Variants in ZNF426 observed in about 807,000 individuals in gnomAD.
ZNF426 encodes CTC-543D15.7.
In ZNF426, 23 loss-of-function variants were observed where a neutral mutation model predicts 24.0. The ratio of observed to expected loss-of-function variants is 0.96; its 90% CI spans 0.69 to 1.36. ZNF426 has a LOEUF of 1.36. Among genes scored for constraint, ZNF426 ranks in the 40% most tolerant of loss-of-function variants. The pLI is 0.00. For missense variants in ZNF426, 646 were observed against 658.4 expected (o/e 0.98, Z 0.21); for synonymous variants, 272 against 224.6 (o/e 1.21, Z -1.89).
intron 2 of ZNF426, among the ~76,000 whole-genome samples, chr19:9,537,445 TTAAC>T (rs913018014): frequency 2.4e-5 from 3 of 123,288 alleles, no homozygotes; most frequent in Non-Finnish European, 5.5e-5. Context: ...TATAGAATAT[TTAAC>T]TCTTTTTTTT....
At position 9,526,514 on chromosome 19, in the gene ZNF426, G is replaced by C. The variant is rs962808781; in HGVS notation, c.*1866C>G. ...CTTTGGTAGGCTTATTATTGGCCAA[G>C]AAACAGCCAACTAAAGAGCTTGAGA... On this transcript the variant is annotated 3_prime_UTR_variant, in exon 8 of 8. Transcript: ENST00000253115. 32 of 151,978 alleles carry C rather than the reference G, an allele frequency of 2.1e-4. No homozygotes were observed. The highest frequency in any genetic ancestry group is 7.5e-4 in the African/African-American group (31 of 41,364). 9.4% of individuals were successfully genotyped at this position (151,978 alleles called of 1,614,324 possible). A position where few individuals can be genotyped will look rare whatever the true frequency, so the allele number is the denominator to read the frequency against.
Position 9,528,779 on chromosome 19 carries a change from A to C in ZNF426, c.1266T>G (p.Cys422Trp). 1 of 1,614,202 alleles carries C rather than the reference A, an allele frequency of 6.2e-7. No homozygotes were observed. Among genetic ancestry groups the C allele is most frequent in the East Asian group, 2.2e-5 (1 of 44,874 alleles). The stretch of plus-strand genomic sequence containing the variant: ...ACCCAAATACTTTCCCACATATCTT[A>C]CACTCACAGGCCTTCTCTTCAGTGT... The part of the protein sequence containing the change: ...RTHTEEKACE[C>W]KICGKVFGYP... The change falls in exon 8 of 8, where the codon TGT becomes TGG. Residue 422 changes from cysteine (C) to tryptophan (W), a missense_variant. By Grantham distance (215) the Cys-to-Trp change is radical. Coordinates refer to ENST00000253115, the MANE Select transcript of ZNF426 (RefSeq NM_024106.3).
In ZNF426 at chr19:9,523,652, C is replaced by G. The variant is rs1292772157; in HGVS notation, c.*4728G>C. ...TCGTGGAAGACATTTTTCCCACGGA[C>G]TGGAGTTGGGGATTAAACTGTTCCA... is the stretch of plus-strand genomic sequence containing the variant. On this transcript the variant is annotated 3_prime_UTR_variant, in exon 8 of 8. Transcript: ENST00000253115. 5 of 152,222 alleles carry G rather than the reference C, an allele frequency of 3.3e-5. No homozygotes were observed. The highest frequency in any genetic ancestry group is 1.3e-4 in the Admixed American group (2 of 15,280). The allele number at this position is 152,222 out of a possible 1,614,324, so 9.4% of individuals were successfully genotyped here.
At position 9,528,646 on chromosome 19, in the gene ZNF426, TGTGAATTTTAAG is replaced by T. The variant is rs771724329; in HGVS notation, c.1387_1398del (p.Leu463_His466del). ...GGTTTTTCTCCAGTGTGGATTCGCA[TGTGAATTTTAAG>T]GTGGGTGGAATAGTTAAAAGCCTTC... On this transcript the variant is annotated inframe_deletion, in exon 8 of 8. Coordinates refer to ENST00000253115, the MANE Select transcript of ZNF426 (RefSeq NM_024106.3). 1.2e-5 allele frequency: 20 copies of T among 1,613,894 alleles called. No homozygotes were observed. The highest frequency in any genetic ancestry group is 1.6e-5 in the Non-Finnish European group (19 of 1,180,018).
chr19:9,532,813 A>G (rs747302379), intron 6 of ZNF426, 32 bp downstream of exon 6: 60 of 1,548,400 alleles, frequency 3.9e-5, no homozygotes, highest in Non-Finnish European at 1.4e-5. Flanking sequence ...TGAACTTCTC[A>G]TCAACCAGAG....
At chr19:9,530,107 C>A (rs1264023380) in intron 7 of ZNF426, among the ~76,000 whole-genome samples, 1 of 151,822 alleles carries the variant, frequency 6.6e-6, no homozygotes, top group African/African-American at 2.4e-5. Flanking sequence ...GGCAACAAAG[C>A]GAGACTCCGT....
In ZNF426 at chr19:9,529,427, G is replaced by A; in HGVS notation, c.618C>T (p.Phe206=). 1 of 1,613,732 alleles carries A rather than the reference G, an allele frequency of 6.2e-7. No individual in the cohort carries two copies. ...GGTATACAATATTTGGTGTCAGGCTGAAGATTTTTTCACTCTGATTAAACT... is the reference window on the plus strand; with the variant it reads ...GGTATACAATATTTGGTGTCAGGCTAAAGATTTTTTCACTCTGATTAAACT... ...LSEFNQSEKI[F]SLTPNIVYQR... The change falls in exon 8 of 8, where the codon TTC becomes TTT. Residue 206 remains phenylalanine (F), a synonymous_variant. Transcript: ENST00000253115.
At chr19:9,532,804 G>A (rs780442345) in intron 6 of ZNF426, 41 bp downstream of exon 6, 25 of 1,477,318 alleles carry the variant, frequency 1.7e-5, no homozygotes, top group Non-Finnish European at 2.4e-5. Context: ...CAAACATACT[G>A]AACTTCTCAT....
intron 4 of ZNF426, among the ~76,000 whole-genome samples, chr19:9,534,634 G>A (rs2073937550): frequency 6.6e-6 from 1 of 151,526 alleles, no homozygotes; most frequent in Non-Finnish European, 1.5e-5. Context: ...TTGCTGTGTT[G>A]CCCAGGCTAG....
chr19:9,525,332 G>A lies in ZNF426; in HGVS notation c.*3048C>T, dbSNP rs2073781683. Reference sequence around the variant, plus strand: ...AATCCTTTTCAACATTTCTTATGCTGAAAGGGCATCTCTCCAGAGTAAATT... The same window carrying A: ...AATCCTTTTCAACATTTCTTATGCTAAAAGGGCATCTCTCCAGAGTAAATT... On this transcript the variant is annotated 3_prime_UTR_variant, in exon 8 of 8. Coordinates refer to ENST00000253115, the MANE Select transcript of ZNF426 (RefSeq NM_024106.3). 1 of 152,174 alleles carries A rather than the reference G, an allele frequency of 6.6e-6. No individual in the cohort carries two copies. Among genetic ancestry groups the A allele is most frequent in the African/African-American group, 2.4e-5 (1 of 41,430 alleles). The allele number at this position is 152,174 out of a possible 1,614,324, so 9.4% of individuals were successfully genotyped here.
In ZNF426 at chr19:9,535,294, A is replaced by G. The variant is rs781094068; in HGVS notation, c.26-15T>C. 6.9e-6 allele frequency: 11 copies of G among 1,603,876 alleles called. No individual in the cohort carries two copies. The highest frequency in any genetic ancestry group is 8.5e-6 in the Non-Finnish European group (10 of 1,171,594). On this transcript the variant is annotated splice_polypyrimidine_tract_variant and intron_variant, in intron 3 of 7. Transcript: ENST00000253115. ...AAGATAATGTCCTGTAAGAAAATGA[A>G]GGCAAGAGAACCCCGAGCTGACCAT...
rs2073829467 is a variant in ZNF426, at chr19:9,528,669, T to C, written c.1376A>G (p.Tyr459Cys). Residue 459 changes from tyrosine (Y) to cysteine (C), a missense_variant, in exon 8 of 8, where the codon TAT (tyrosine) becomes TGT (cysteine). By Grantham distance (194) the Tyr-to-Cys change is radical. Transcript: ENST00000253115. ...CATGTGAATTTTAAGGTGGGTGGAA[T>C]AGTTAAAAGCCTTCCCACATTCCTT... ...TCKECGKAFN[Y>C]STHLKIHMRI... is the part of the protein sequence containing the mutation. The C allele has an allele frequency of 4.3e-6, 7 of 1,614,056 alleles. No individual in the cohort carries two copies. Among genetic ancestry groups the C allele is most frequent in the South Asian group, 1.1e-5 (1 of 91,088 alleles).
intron 6 of ZNF426, among the ~76,000 whole-genome samples, chr19:9,532,612 T>C (rs1304957608): frequency 6.6e-6 from 1 of 152,102 alleles, no homozygotes; most frequent in African/African-American, 2.4e-5. Flanking sequence ...TCCCATTTAA[T>C]ATTTTTGGAC....
At position 9,529,008 on chromosome 19, in the gene ZNF426, G is replaced by A. The variant is rs920609146; in HGVS notation, c.1037C>T (p.Thr346Ile). Residue 346 changes from threonine to isoleucine, a missense_variant, in exon 8 of 8, where the codon ACT becomes ATT. Transcript: ENST00000253115. ...YVCKECGKAF[T>I]QYSGLSMHVR... ...ATGCATACTAAGGCCCGAGTACTGA[G>A]TGAAGGCTTTCCCACATTCCTTACA... 1 of 1,613,410 alleles carries A rather than the reference G, an allele frequency of 6.2e-7. No individual in the cohort carries two copies. Among genetic ancestry groups the A allele is most frequent in the Non-Finnish European group, 8.5e-7 (1 of 1,179,758 alleles).
intron 4 of ZNF426, 43 bp downstream of exon 4, chr19:9,535,145 A>G: frequency 6.9e-7 from 1 of 1,445,534 alleles, no homozygotes; most frequent in Non-Finnish European, 9.6e-7. Flanking sequence ...TACCTGGTGG[A>G]TGCAAGTATG....
chr19:9,534,062 TC>T, intron 4 of ZNF426, 96 bp from the exon 5 acceptor site: 1 of 1,531,484 alleles, frequency 6.5e-7, no homozygotes, highest in Non-Finnish European at 8.8e-7. Context: ...TATGCAGGAT[TC>T]CAAGGGCTGC....
chr19:9,528,791 CTTCTCTT>C lies in ZNF426; in HGVS notation c.1247_1253del (p.Glu416GlyfsTer144), dbSNP rs759304249. On this transcript the variant is annotated frameshift_variant, in exon 8 of 8. Coordinates refer to ENST00000253115, the MANE Select transcript of ZNF426 (RefSeq NM_024106.3). LOFTEE classifies it low-confidence loss of function (END_TRUNC). ...TCCCACATATCTTACACTCACAGGC[CTTCTCTT>C]CAGTGTGAGTTCTCAAATGTCCACT... 30 of 1,613,714 alleles carry C rather than the reference CTTCTCTT, an allele frequency of 1.9e-5. No homozygotes were observed. The highest frequency in any genetic ancestry group is 2.5e-5 in the Non-Finnish European group (29 of 1,179,964).
rs562018470 is a variant in ZNF426 at position 9,538,611 on chromosome 19, G to A, written c.-248C>T. On this transcript the variant is annotated 5_prime_UTR_variant, in exon 1 of 8. Transcript: ENST00000253115. ...AGGCCTTAACTCTGAAAGGCAAAAAGACTCTCAGGCGCTCACAGCCGGCGT... is the reference window on the plus strand; with the variant it reads ...AGGCCTTAACTCTGAAAGGCAAAAAAACTCTCAGGCGCTCACAGCCGGCGT... 2 of 152,318 alleles carry A rather than the reference G, an allele frequency of 1.3e-5. No homozygotes were observed. The highest frequency in any genetic ancestry group is 4.8e-5 in the African/African-American group (2 of 41,550). The allele number at this position is 152,318 out of a possible 1,614,324, so 9.4% of individuals were successfully genotyped here.
intron 4 of ZNF426, 83 bp downstream of exon 4, chr19:9,535,105 G>T: frequency 9.9e-7 from 1 of 1,006,604 alleles, no homozygotes; most frequent in Non-Finnish European, 1.4e-6. Flanking sequence ...AAGAAGTCTG[G>T]AGACAACTCT....
Sources: allele counts gnomAD v4.1 joint callset (sites outside exome capture counted in the v4.1 genomes callset), GRCh38; gene constraint gnomAD v4.1.1; transcripts MANE v1.5; gene names NCBI Gene and HGNC (gene_info 2026-07-23, HGNC 2026-07-21).